The following SACS variants were observed in gnomAD, a reference collection of about 807,000 sequenced individuals.
SACS encodes the protein sacsin.
A neutral mutation model predicts 348.0 loss-of-function variants in SACS; 197 were observed. The ratio of observed to expected loss-of-function variants is 0.57; its 90% CI spans 0.50 to 0.64. The LOEUF is 0.64. Among genes scored for constraint, SACS ranks in the 30% least tolerant of loss-of-function variants. The pLI is 0.00. For missense variants in SACS, 4,999 were observed against 5,360.8 expected (o/e 0.93, Z 2.11); for synonymous variants, 1,985 against 1,910.6 (o/e 1.04, Z -1.02).
Position 23,355,438 on chromosome 13 carries a change from A to C in SACS, c.1174T>G (p.Trp392Gly). 2 of 1,614,152 alleles carry C rather than the reference A, an allele frequency of 1.2e-6. No individual in the cohort carries two copies. Among genetic ancestry groups the C allele is most frequent in the Non-Finnish European group, 1.7e-6 (2 of 1,180,016 alleles). ...ESTKDAQKTS[W>G]LVCNSVGGRG... ...CCACCCACACTGTTACACACCAACC[A>C]AGATGTTTTCTGTGCATCCTTAGTA... Residue 392 changes from tryptophan to glycine, a missense_variant, in exon 8 of 10, where the codon TGG becomes GGG. This residue lies in a region of SACS where 3,156 missense variants were observed against 3,380.1 expected (regional missense o/e 0.93). Transcript: ENST00000382292.
intron 2 of SACS, among the ~76,000 whole-genome samples, chr13:23,398,534 C>CAAAA (rs59868515): frequency 9.8e-6 from 1 of 102,202 alleles, no homozygotes; most frequent in Non-Finnish European, 1.9e-5. Flanking sequence ...AACTCCGTCT[C>CAAAA]AAAAAAAAAA....
chr13:23,412,206 C>T (rs1268190653), intron 1 of SACS, among the ~76,000 whole-genome samples: 1 of 152,016 alleles, frequency 6.6e-6, no homozygotes, highest in Non-Finnish European at 1.5e-5. Context: ...TTGCAGTGAG[C>T]CAAGATCGCG....
Position 23,411,408 on chromosome 13 carries a change from G to A in SACS, c.-169C>T, listed in dbSNP as rs563181332. ...CTTCAGTGTCCATTCATCATCTGAT[G>A]TCAGGAAACATTGTCGTGTGTTGCA... On this transcript the variant is annotated 5_prime_UTR_variant, in exon 2 of 10. Coordinates refer to ENST00000382292, the MANE Select transcript of SACS (RefSeq NM_014363.6). 1.5e-6 allele frequency: 1 copy of A among 666,572 alleles called. No individual in the cohort carries two copies. Among genetic ancestry groups the A allele is most frequent in the East Asian group, 2.7e-5 (1 of 37,222 alleles). The allele number at this position is 666,572 out of a possible 1,614,324, so 41.3% of individuals were successfully genotyped here. A position where few individuals can be genotyped will look rare whatever the true frequency, so the allele number is the denominator to read the frequency against.
chr13:23,416,490 G>A (rs934934677), intron 1 of SACS, among the ~76,000 whole-genome samples: 1 of 152,164 alleles, frequency 6.6e-6, no homozygotes, highest in Non-Finnish European at 1.5e-5. Flanking sequence ...GGGCACCGTG[G>A]TTCACGCCTG....
chr13:23,426,049 T>C lies in SACS; in HGVS notation c.-502+7566A>G, dbSNP rs144601377. ...TGGTAGGGAATTGTGAATTTCATTA[T>C]ACAGAGAAGGAAACTGGTGTCCAGA... On this transcript the variant is annotated intron_variant, in intron 1 of 9. Transcript: ENST00000382292. Among the ~76,000 whole-genome samples, 110 of 152,312 alleles carry C rather than the reference T, an allele frequency of 7.2e-4. No homozygotes were observed. In the East Asian group the frequency reaches 0.02, roughly 27 times the overall value.
At chr13:23,404,556 T>C (rs1367306801) in intron 2 of SACS, among the ~76,000 whole-genome samples, 1 of 152,132 alleles carries the variant, frequency 6.6e-6, no homozygotes, top group Non-Finnish European at 1.5e-5. Context: ...CAAAATAGTA[T>C]TGGAAGTTCT....
chr13:23,369,338 C>T (rs1394275304), intron 4 of SACS, among the ~76,000 whole-genome samples: 2 of 152,140 alleles, frequency 1.3e-5, no homozygotes, highest in Non-Finnish European at 2.9e-5. Context: ...CACCTTCAGA[C>T]AAGTGACAGG....
At chr13:23,424,418 G>A (rs1874080034) in intron 1 of SACS, among the ~76,000 whole-genome samples, 1 of 152,110 alleles carries the variant, frequency 6.6e-6, no homozygotes, top group Admixed American at 6.6e-5. Flanking sequence ...CCAACTACTT[G>A]GGAGGCTGAG....
chr13:23,421,043 A>G (rs948819984), intron 1 of SACS, among the ~76,000 whole-genome samples: 5 of 151,548 alleles, frequency 3.3e-5, no homozygotes, highest in African/African-American at 1.2e-4. Context: ...GTGTCCACCT[A>G]AAGTGTGGGT....
In SACS at chr13:23,334,739, G is replaced by A; in HGVS notation, c.9137C>T (p.Thr3046Ile). The change falls in exon 10 of 10, where the codon ACC becomes ATC. Residue 3046 changes from threonine to isoleucine, a missense_variant. Transcript: ENST00000382292. ...QHLKNADYNI[T>I]TRKTVAENVY... is the part of the protein sequence containing the mutation. ...ATTCTCTGCTACTGTTTTGCGTGTG[G>A]TGATATTATAATCTGCATTTTTAAG... The A allele has an allele frequency of 1.9e-6, 3 of 1,613,746 alleles. No homozygotes were observed. The highest frequency in any genetic ancestry group is 2.5e-6 in the Non-Finnish European group (3 of 1,179,770).
At chr13:23,378,535 G>A (rs778776523) in intron 2 of SACS, among the ~76,000 whole-genome samples, 4 of 152,016 alleles carry the variant, frequency 2.6e-5, no homozygotes, top group African/African-American at 4.8e-5. Flanking sequence ...CTGCATCCTG[G>A]GTTCAAGCAA....
At chr13:23,395,727 G>C (rs7990558) in intron 2 of SACS, among the ~76,000 whole-genome samples, 47,695 of 152,052 alleles carry the variant, frequency 0.31, 7,767 homozygotes, top group East Asian at 0.52. Flanking sequence ...AGCCCTCGTA[G>C]TGAGCAGGTA....
At chr13:23,389,835 C>T (rs1391705509) in intron 2 of SACS, among the ~76,000 whole-genome samples, 2 of 152,130 alleles carry the variant, frequency 1.3e-5, no homozygotes, top group African/African-American at 4.8e-5. Context: ...CTGCTTTTTG[C>T]TTCTTTTTGC....
At chr13:23,409,929 ATAGT>A (rs1365390550) in intron 2 of SACS, among the ~76,000 whole-genome samples, 1 of 152,222 alleles carries the variant, frequency 6.6e-6, no homozygotes. Flanking sequence ...TTAAACATTT[ATAGT>A]TAGTGTCAGC....
At chr13:23,364,665 G>C (rs1870955222) in intron 6 of SACS, among the ~76,000 whole-genome samples, 1 of 152,172 alleles carries the variant, frequency 6.6e-6, no homozygotes, top group Non-Finnish European at 1.5e-5. Context: ...CTATTGGTTA[G>C]GGTTCTTATT....
At chr13:23,401,298 T>C (rs1035367522) in intron 2 of SACS, among the ~76,000 whole-genome samples, 3 of 152,220 alleles carry the variant, frequency 2.0e-5, no homozygotes, top group Admixed American at 6.5e-5. Flanking sequence ...GCATATCTGA[T>C]TTGCCTCCTT....
chr13:23,392,012 A>G (rs1168815030), intron 2 of SACS, among the ~76,000 whole-genome samples: 1 of 152,192 alleles, frequency 6.6e-6, no homozygotes, highest in East Asian at 1.9e-4. Flanking sequence ...GCTCAGAATC[A>G]CGCATGCAGA....
intron 5 of SACS, 81 bp downstream of exon 5, chr13:23,368,321 C>A: frequency 9.8e-7 from 1 of 1,022,230 alleles, no homozygotes; most frequent in Non-Finnish European, 1.5e-6. Context: ...AAAATTTAAA[C>A]ACTAATAGGA....
chr13:23,429,684 A>T (rs925928541), intron 1 of SACS, among the ~76,000 whole-genome samples: 21 of 151,988 alleles, frequency 1.4e-4, no homozygotes, highest in African/African-American at 4.8e-4. Context: ...TTTTTAACCT[A>T]TCATGAATCC....
Sources: allele counts gnomAD v4.1 joint callset (sites outside exome capture counted in the v4.1 genomes callset), GRCh38; gene constraint gnomAD v4.1.1; regional missense constraint gnomAD v4.1.1; transcripts MANE v1.5; gene names NCBI Gene and HGNC (gene_info 2026-07-23, HGNC 2026-07-21).